Variants in ZFHX3 observed in about 807,000 individuals in gnomAD.
ZFHX3 encodes zinc finger homeobox 3, also known as zinc finger homeobox protein 3.
Under a neutral mutation model 279.1 loss-of-function variants are expected in ZFHX3, and 42 were observed. The observed-to-expected ratio is 0.15, with a 90% CI of 0.12 to 0.19. The LOEUF (loss-of-function observed/expected upper bound fraction) is 0.19. Among genes scored for constraint, ZFHX3 ranks in the 10% least tolerant of loss-of-function variants. ZFHX3 has a pLI of 1.00. For synonymous variants in ZFHX3, 2,293 were observed against 1,957.8 expected, an observed-to-expected ratio of 1.17 and a Z score of -4.52; for missense variants, 4,981 against 4,754.0, an observed-to-expected ratio of 1.05 and a Z score of -1.40.
chr16:73,560,339 G>A (rs1401601076), intron 2 of ZFHX3, among the ~76,000 whole-genome samples: 1 of 152,148 alleles, frequency 6.6e-6, no homozygotes, highest in Non-Finnish European at 1.5e-5. Flanking sequence ...CCATTCTCAG[G>A]CCCATTTGTG....
At chr16:73,043,220 A>G (rs1052264373) in intron 1 of ZFHX3, among the ~76,000 whole-genome samples, 1 of 152,190 alleles carries the variant, frequency 6.6e-6, no homozygotes, top group African/African-American at 2.4e-5. Context: ...AAGCCAGCTA[A>G]GGCCCCTCTG....
intron 3 of ZFHX3, among the ~76,000 whole-genome samples, chr16:73,396,562 GA>G (rs1272239686): frequency 6.6e-6 from 1 of 152,206 alleles, no homozygotes; most frequent in Non-Finnish European, 1.5e-5. Flanking sequence ...GGCTGGAAAG[GA>G]AACTTACAAT....
intron 1 of ZFHX3, among the ~76,000 whole-genome samples, chr16:73,705,536 TA>T (rs2053294666): frequency 6.6e-6 from 1 of 152,198 alleles, no homozygotes. Flanking sequence ...ATATTTCCTA[TA>T]AGGCCTTGAA....
intron 5 of ZFHX3, among the ~76,000 whole-genome samples, chr16:73,252,586 A>G (rs1337022264): frequency 6.6e-6 from 1 of 152,170 alleles, no homozygotes; most frequent in Non-Finnish European, 1.5e-5. Flanking sequence ...TAAGTTCAAG[A>G]AGGAAGTCAG....
chr16:73,002,585 T>G (rs1298470676), intron 1 of ZFHX3, among the ~76,000 whole-genome samples: 1 of 152,162 alleles, frequency 6.6e-6, no homozygotes, highest in African/African-American at 2.4e-5. Flanking sequence ...TGTTCTCAAG[T>G]ACCCAAGGCG....
chr16:73,066,783 C>T (rs926251461), intron 8 of ZFHX3, among the ~76,000 whole-genome samples: 2 of 152,224 alleles, frequency 1.3e-5, no homozygotes, highest in Admixed American at 6.5e-5. Flanking sequence ...ACCCTAACTC[C>T]GCACCCGGGA....
rs1350117024 is a variant in ZFHX3, at chr16:72,829,867, A to C, written c.3449-8T>G. 2 of 1,614,062 alleles carry C rather than the reference A, an allele frequency of 1.2e-6. No homozygotes were observed. The highest frequency in any genetic ancestry group is 1.3e-5 in the African/African-American group (1 of 74,934). Reference sequence around the variant, plus strand: ...CATCTTCAATGGCTTCTTCTGAAACAGAAGAAAAACATGTCAAGGGTTAAA... The same window carrying C: ...CATCTTCAATGGCTTCTTCTGAAACCGAAGAAAAACATGTCAAGGGTTAAA... On this transcript the variant is annotated splice_polypyrimidine_tract_variant and splice_region_variant and intron_variant, in intron 4 of 9. Transcript: ENST00000268489.
At chr16:73,748,567 T>G (rs2053725726) in intron 1 of ZFHX3, among the ~76,000 whole-genome samples, 1 of 152,200 alleles carries the variant, frequency 6.6e-6, no homozygotes, top group South Asian at 2.1e-4. Flanking sequence ...CTATACCCTC[T>G]GTTCAGTATA....
In ZFHX3 at chr16:73,105,364, TACACACATATATATATATACACAC is replaced by T. The variant is rs1476433083; in HGVS notation, c.-896-11790_-896-11767del. On this transcript the variant is annotated intron_variant, in intron 7 of 17. Transcript: ENST00000641206. ...GTGTATATATATATACACATATATATACACACATATATATATATACACACACACACATATATATATATATACACA... is the reference window on the plus strand; with the variant it reads ...GTGTATATATATATACACATATATATACACACATATATATATATATACACA... Among the ~76,000 whole-genome samples the T allele has an allele frequency of 1.7e-4, 13 of 76,928 alleles. No individual in the cohort carries two copies. In the East Asian group the frequency reaches 4.0e-3, roughly 24 times the overall value. The allele number at this position is 76,928 out of a possible 152,430, so 50.5% of individuals were successfully genotyped here. A position where few individuals can be genotyped will look rare whatever the true frequency, so the allele number is the denominator to read the frequency against.
In ZFHX3 at chr16:72,794,367, T is replaced by G. The variant is rs761028079; in HGVS notation, c.8315A>C (p.His2772Pro). The G allele has an allele frequency of 5.0e-6, 8 of 1,602,452 alleles. No individual in the cohort carries two copies. The highest frequency in any genetic ancestry group is 1.7e-6 in the Non-Finnish European group (2 of 1,173,914). The change falls in exon 9 of 10, where the codon CAC becomes CCC. Residue 2772 changes from histidine (H) to proline (P), a missense_variant. Around this residue, in one of 7 missense-constraint regions of ZFHX3, gnomAD observed 744 missense variants for 701.3 expected, o/e 1.06. Transcript: ENST00000268489. The surrounding 1 kb of genome is among the most constrained non-coding windows in gnomAD (Gnocchi z 4.2). The stretch of plus-strand genomic sequence containing the variant: ...ACCATCACTACTGCTTGGGGGTAGG[T>G]GGGAAAAGCTAGTTCCGTCAAAAAT... ...GDIFDGTSFS[H>P]LPPSSSDGQG...
At chr16:72,904,419 T>TAAAA (rs1200610876) in intron 3 of ZFHX3, among the ~76,000 whole-genome samples, 11 of 139,196 alleles carry the variant, frequency 7.9e-5, no homozygotes, top group South Asian at 2.3e-4. Flanking sequence ...AATAAATAAA[T>TAAAA]AAAAATTGTG....
At chr16:73,103,967 C>T (rs1257807524) in intron 7 of ZFHX3, among the ~76,000 whole-genome samples, 1 of 152,238 alleles carries the variant, frequency 6.6e-6, no homozygotes, top group Non-Finnish European at 1.5e-5. Context: ...CACTCTGATT[C>T]CACTGGTCTA....
intron 5 of ZFHX3, among the ~76,000 whole-genome samples, chr16:73,218,408 C>T (rs2012290602): frequency 6.6e-6 from 1 of 152,110 alleles, no homozygotes; most frequent in Non-Finnish European, 1.5e-5. Context: ...CAGGGACGAC[C>T]CAATTAACTC....
At chr16:73,577,017 T>G (rs1042904409) in intron 2 of ZFHX3, among the ~76,000 whole-genome samples, 2 of 152,144 alleles carry the variant, frequency 1.3e-5, no homozygotes, top group Non-Finnish European at 2.9e-5. Flanking sequence ...TTGAGACACT[T>G]TGGAACTCAG....
At chr16:73,772,685 A>T (rs983672843) in intron 1 of ZFHX3, among the ~76,000 whole-genome samples, 5 of 152,188 alleles carry the variant, frequency 3.3e-5, no homozygotes, top group Non-Finnish European at 7.3e-5. Context: ...GCACAACTGC[A>T]TCTCATCCTC....
At chr16:73,834,195 A>G (rs1001061005) in intron 1 of ZFHX3, among the ~76,000 whole-genome samples, 3 of 152,160 alleles carry the variant, frequency 2.0e-5, no homozygotes, top group Non-Finnish European at 4.4e-5. Flanking sequence ...CTGTCCCAGG[A>G]AATCACTCTC....
intron 5 of ZFHX3, among the ~76,000 whole-genome samples, chr16:72,815,525 A>AG (rs1289027651): frequency 6.6e-6 from 1 of 152,234 alleles, no homozygotes; most frequent in African/African-American, 2.4e-5. Context: ...CAGCTTCAAA[A>AG]GGGCCAGAGT....
At chr16:73,846,208 G>A (rs1035877497) in intron 1 of ZFHX3, among the ~76,000 whole-genome samples, 2 of 152,136 alleles carry the variant, frequency 1.3e-5, no homozygotes, top group African/African-American at 4.8e-5. Flanking sequence ...ACCAAAGAGT[G>A]AATTTGACTG....
At chr16:73,205,723 A>G (rs1406480348) in intron 5 of ZFHX3, among the ~76,000 whole-genome samples, 1 of 152,224 alleles carries the variant, frequency 6.6e-6, no homozygotes, top group Non-Finnish European at 1.5e-5. Flanking sequence ...AGCAGTAAAA[A>G]TAATACACAA....
Sources: gnomAD v4.1 joint callset for allele counts (sites outside exome capture counted in the v4.1 genomes callset) on GRCh38, gnomAD v4.1.1 for gene constraint, gnomAD v4.1.1 regional missense constraint, Gnocchi (gnomAD v3.1) non-coding constraint, MANE v1.5 for transcripts, NCBI Gene and HGNC (gene_info 2026-07-23, HGNC 2026-07-21) for gene names.